SHOC2: variants seen among roughly 807,000 people sequenced by gnomAD.
SHOC2 encodes SHOC2 leucine rich repeat scaffold protein, also known as leucine-rich repeat protein SHOC-2.
Under a neutral mutation model 50.2 loss-of-function variants are expected in SHOC2, and 4 were observed. That is an observed-to-expected ratio of 0.08 (90% CI 0.04 to 0.18). SHOC2 has a LOEUF of 0.18. SHOC2 is among the 10% of genes least tolerant of loss of function. SHOC2 has a pLI of 1.00. For synonymous variants in SHOC2, 218 were observed against 244.5 expected (o/e 0.89, Z 1.01); for missense variants, 388 against 669.6 (o/e 0.58, Z 4.64).
chr10:110,969,712 C>G lies in SHOC2; in HGVS notation c.703+4651C>G, dbSNP rs909355513. Among the ~76,000 whole-genome samples, 140 of 151,848 alleles carry G rather than the reference C, an allele frequency of 9.2e-4. 1 individual carries two copies. The highest frequency in any genetic ancestry group is 3.2e-3 in the African/African-American group (134 of 41,428). On this transcript the variant is annotated intron_variant, in intron 2 of 8. Coordinates refer to ENST00000369452, the MANE Select transcript of SHOC2 (RefSeq NM_007373.4). Reference sequence around the variant, plus strand: ...GAGTATTTTTAAAAATGTGTTTTACCTACATTGTAGGTTCAATAAAATGCT... The same window carrying G: ...GAGTATTTTTAAAAATGTGTTTTACGTACATTGTAGGTTCAATAAAATGCT...
intron 4 of SHOC2, among the ~76,000 whole-genome samples, chr10:111,004,170 A>C (rs1436581873): frequency 2.0e-5 from 3 of 152,198 alleles, no homozygotes; most frequent in Non-Finnish European, 4.4e-5. Context: ...TATATGACTA[A>C]GACTAGGTAG....
intron 1 of SHOC2, among the ~76,000 whole-genome samples, chr10:110,961,477 A>C (rs1242817147): frequency 6.6e-6 from 1 of 152,118 alleles, no homozygotes. Context: ...GATGTGAAAA[A>C]TTTTTAGTTA....
chr10:110,979,791 T>G (rs1181733627), intron 2 of SHOC2, among the ~76,000 whole-genome samples: 2 of 152,208 alleles, frequency 1.3e-5, no homozygotes, highest in African/African-American at 4.8e-5. Flanking sequence ...TAACTTCAGC[T>G]CAACTTTTCT....
chr10:110,965,148 C>T, intron 2 of SHOC2, 87 bp downstream of exon 2: 1 of 1,179,732 alleles, frequency 8.5e-7, no homozygotes, highest in Non-Finnish European at 1.2e-6. Context: ...ATGCCTGATA[C>T]TTGCCTAAAA....
chr10:110,971,155 T>C (rs1213097315), intron 2 of SHOC2, among the ~76,000 whole-genome samples: 1 of 152,168 alleles, frequency 6.6e-6, no homozygotes, highest in African/African-American at 2.4e-5. Context: ...TTCCCCTATG[T>C]TTCTTGTAGT....
At chr10:110,994,076 T>A (rs549678629) in intron 3 of SHOC2, among the ~76,000 whole-genome samples, 1 of 152,192 alleles carries the variant, frequency 6.6e-6, no homozygotes, top group African/African-American at 2.4e-5. Flanking sequence ...AGCAGTGATG[T>A]AAAGGAGAAA....
At chr10:110,972,187 G>A (rs1847795750) in intron 2 of SHOC2, among the ~76,000 whole-genome samples, 1 of 150,990 alleles carries the variant, frequency 6.6e-6, no homozygotes, top group South Asian at 2.1e-4. Flanking sequence ...GTATTTTCAA[G>A]ATTTTAGTAT....
chr10:110,975,397 C>A (rs1847858126), intron 2 of SHOC2, among the ~76,000 whole-genome samples: 2 of 152,296 alleles, frequency 1.3e-5, no homozygotes, highest in Admixed American at 1.3e-4. Flanking sequence ...CTGCCTCGGC[C>A]TCCCAAAGTG....
chr10:110,939,569 C>T (rs1037285283), intron 1 of SHOC2, among the ~76,000 whole-genome samples: 8 of 152,028 alleles, frequency 5.3e-5, no homozygotes, highest in Admixed American at 1.3e-4. Context: ...GGTAAGATAT[C>T]GAGTCATCCA....
chr10:110,930,286 C>G (rs1438573175), intron 1 of SHOC2, among the ~76,000 whole-genome samples: 2 of 152,090 alleles, frequency 1.3e-5, no homozygotes, highest in South Asian at 2.1e-4. Flanking sequence ...GACTGATACT[C>G]AAATATAAGA....
intron 3 of SHOC2, among the ~76,000 whole-genome samples, chr10:110,989,692 C>T (rs910752034): frequency 2.6e-5 from 4 of 152,068 alleles, no homozygotes; most frequent in Non-Finnish European, 4.4e-5. Context: ...TTCTAGATTT[C>T]TGAAATTTTA....
At chr10:110,972,535 C>T (rs963724995) in intron 2 of SHOC2, among the ~76,000 whole-genome samples, 3 of 152,052 alleles carry the variant, frequency 2.0e-5, no homozygotes, top group African/African-American at 7.3e-5. Context: ...TTTCACTAAA[C>T]AACAAAAACC....
chr10:110,919,664 CG>C lies in SHOC2; in HGVS notation c.-235+11del. Reference sequence around the variant, plus strand: ...GGAGTCGGGGCTCCTGACGGTAACTCGGGGCCGATGAGGCGGAGGGTGTCTG... The same window carrying C: ...GGAGTCGGGGCTCCTGACGGTAACTCGGGCCGATGAGGCGGAGGGTGTCTG... On this transcript the variant is annotated splice_region_variant and intron_variant, in intron 1 of 8. Transcript: ENST00000369452. 5.0e-6 allele frequency: 2 copies of C among 398,746 alleles called. No individual in the cohort carries two copies. The highest frequency in any genetic ancestry group is 8.8e-6 in the Non-Finnish European group (2 of 226,318). The allele number at this position is 398,746 out of a possible 1,614,324, so 24.7% of individuals were successfully genotyped here. A position where few individuals can be genotyped will look rare whatever the true frequency, so the allele number is the denominator to read the frequency against.
intron 2 of SHOC2, among the ~76,000 whole-genome samples, chr10:110,974,307 T>C (rs908372510): frequency 4.6e-5 from 7 of 152,104 alleles, no homozygotes; most frequent in African/African-American, 1.7e-4. Context: ...AGAGAGATTT[T>C]CAGATTTTTT....
intron 2 of SHOC2, among the ~76,000 whole-genome samples, chr10:110,980,832 A>C (rs969615948): frequency 4.0e-5 from 6 of 151,662 alleles, no homozygotes; most frequent in African/African-American, 1.5e-4. Context: ...GTCAGTTCCA[A>C]CTTCCTTTCC....
chr10:110,970,338 CTTCAGGCTCA>C (rs2134128572), intron 2 of SHOC2, among the ~76,000 whole-genome samples: 1 of 152,286 alleles, frequency 6.6e-6, no homozygotes, highest in African/African-American at 2.4e-5. Context: ...ACATAATGTC[CTTCAGGCTCA>C]TTCATGTTGC....
chr10:110,991,015 T>C lies in SHOC2; in HGVS notation c.841+5250T>C, dbSNP rs1848176528. On this transcript the variant is annotated intron_variant, in intron 3 of 8. Coordinates refer to ENST00000369452, the MANE Select transcript of SHOC2 (RefSeq NM_007373.4). ...CTGTTTAGAACTCTTTTCTCCTAAA[T>C]ATCTGTGTAACTTTGCCTGCTCCTT... is the stretch of plus-strand genomic sequence containing the variant. Among the ~76,000 whole-genome samples, 3 of 152,232 alleles carry C rather than the reference T, an allele frequency of 2.0e-5. 1 individual carries two copies. The South Asian group carries it at 6.2e-4, about 32-fold the overall frequency.
chr10:110,936,312 A>G (rs934272468), intron 1 of SHOC2, among the ~76,000 whole-genome samples: 4 of 151,664 alleles, frequency 2.6e-5, no homozygotes, highest in African/African-American at 9.7e-5. Flanking sequence ...CCATGTGGCC[A>G]GGCTGGTCTC....
intron 3 of SHOC2, chr10:110,988,814 A>T: frequency 2.4e-6 from 1 of 412,192 alleles, no homozygotes; most frequent in South Asian, 1.8e-5. Flanking sequence ...TAGCACTGTA[A>T]ATTTCCCCTT....
Sources: allele counts gnomAD v4.1 joint callset (sites outside exome capture counted in the v4.1 genomes callset), GRCh38; gene constraint gnomAD v4.1.1; transcripts MANE v1.5; gene names NCBI Gene and HGNC (gene_info 2026-07-23, HGNC 2026-07-21).